The following TJP1 variants were observed in gnomAD, a reference collection of about 807,000 sequenced individuals.
The protein encoded by TJP1 is tight junction protein 1.
In TJP1, 43 loss-of-function variants were observed where a neutral mutation model predicts 194.2. The ratio of observed to expected loss-of-function variants is 0.22; its 90% CI spans 0.17 to 0.29. The LOEUF (loss-of-function observed/expected upper bound fraction) is 0.29. Among genes scored for constraint, TJP1 ranks in the 10% least tolerant of loss-of-function variants. The probability of loss-of-function intolerance (pLI) is 1.00; values close to 1 mark genes in which losing one functional copy is unlikely to be tolerated. For missense variants in TJP1, 1,971 were observed against 2,185.7 expected (o/e 0.90, Z 1.96); for synonymous variants, 801 against 779.0 (o/e 1.03, Z -0.47).
intron 2 of TJP1, among the ~76,000 whole-genome samples, chr15:29,945,776 A>AACACACACAC (rs371167321): frequency 1.3e-5 from 2 of 150,028 alleles, no homozygotes; most frequent in African/African-American, 4.9e-5. Flanking sequence ...AAGGCTATTA[A>AACACACACAC]ACACACACAC....
intron 2 of TJP1, among the ~76,000 whole-genome samples, chr15:29,947,390 T>C (rs2055321437): frequency 6.6e-6 from 1 of 152,176 alleles, no homozygotes; most frequent in Non-Finnish European, 1.5e-5. Flanking sequence ...CTCAGATACG[T>C]ATCTCTGAAA....
chr15:29,761,079 C>G, intron 8 of TJP1, 60 bp downstream of exon 8: 1 of 1,461,468 alleles, frequency 6.8e-7, no homozygotes, highest in Non-Finnish European at 9.1e-7. Flanking sequence ...TAAGCAATTT[C>G]AGATACTGGT....
At position 29,734,273 on chromosome 15, in the gene TJP1, CCAT is replaced by C. The variant is rs1459930896; in HGVS notation, c.1514_1516del (p.Asp505del). Reference sequence around the variant, plus strand: ...TCCTCCATTTTCTGACAGCATCTCACCATCCTTCTTCTTCTGAGCCAATATGGT... The same window carrying C: ...TCCTCCATTTTCTGACAGCATCTCACCCTTCTTCTTCTGAGCCAATATGGT... On this transcript the variant is annotated inframe_deletion and splice_region_variant, in exon 12 of 28. Coordinates refer to ENST00000614355, the MANE Select transcript of TJP1 (RefSeq NM_001330239.4). The C allele has an allele frequency of 6.9e-6, 11 of 1,595,916 alleles. No homozygotes were observed. The highest frequency in any genetic ancestry group is 9.4e-6 in the Non-Finnish European group (11 of 1,170,960).
intron 2 of TJP1, among the ~76,000 whole-genome samples, chr15:29,850,750 G>T (rs182612631): frequency 2.1e-3 from 315 of 152,236 alleles, no homozygotes; most frequent in African/African-American, 7.1e-3. Flanking sequence ...GGGAGGCTGA[G>T]GTGGGCAGAT....
Position 29,716,593 on chromosome 15 carries a change from C to T in TJP1, c.4202+18G>A. On this transcript the variant is annotated intron_variant, in intron 23 of 27. Transcript: ENST00000614355. The stretch of plus-strand genomic sequence containing the variant: ...ATATGCTGCATCCTATTTTTAAAAG[C>T]CAGGTGAAATAGCTTACTTTGAAGA... The T allele has an allele frequency of 6.4e-7, 1 of 1,572,118 alleles. No individual in the cohort carries two copies. Among genetic ancestry groups the T allele is most frequent in the Non-Finnish European group, 8.7e-7 (1 of 1,144,330 alleles).
intron 2 of TJP1, among the ~76,000 whole-genome samples, chr15:29,869,784 T>C (rs1291285775): frequency 7.3e-6 from 1 of 137,578 alleles, no homozygotes; most frequent in Non-Finnish European, 1.6e-5. Context: ...CCTGTCTTTC[T>C]TTCTTTCTTT....
intron 16 of TJP1, 111 bp downstream of exon 16, chr15:29,727,826 T>C: frequency 1.3e-6 from 1 of 770,270 alleles, no homozygotes; most frequent in Non-Finnish European, 2.1e-6. Flanking sequence ...TTTCTTATAG[T>C]ATGTCAGTAA....
chr15:29,720,484 C>A lies in TJP1; in HGVS notation c.2637G>T (p.Glu879Asp), dbSNP rs1373378616. The A allele has an allele frequency of 6.2e-7, 1 of 1,613,962 alleles. No homozygotes were observed. Among genetic ancestry groups the A allele is most frequent in the Non-Finnish European group, 8.5e-7 (1 of 1,180,010 alleles). The change falls in exon 19 of 28, where the codon GAG becomes GAT. Residue 879 changes from glutamate (E) to aspartate (D), a missense_variant. By Grantham distance (45) the Glu-to-Asp change is conservative. This residue lies in a region of TJP1 where 1,108 missense variants were observed against 1,128.5 expected (regional missense o/e 0.98). Coordinates refer to ENST00000614355, the MANE Select transcript of TJP1 (RefSeq NM_001330239.4). ...TTCCAGAGGAGTCCTCTCTTACAGG[C>A]TCAGAGGACCGTGTAATGGCAGACT... The part of the protein sequence containing the change: ...PPESAITRSS[E>D]PVREDSSGMH...
At chr15:29,790,041 C>G (rs1705926681) in intron 2 of TJP1, among the ~76,000 whole-genome samples, 1 of 152,194 alleles carries the variant, frequency 6.6e-6, no homozygotes, top group African/African-American at 2.4e-5. Flanking sequence ...AGCCACTGCT[C>G]TAATCAGCAG....
intron 1 of TJP1, among the ~76,000 whole-genome samples, chr15:29,811,164 G>A (rs74322680): frequency 0.044 from 6,675 of 152,144 alleles, 166 homozygotes; most frequent in South Asian, 0.075. Flanking sequence ...TGTGGCTAGA[G>A]GGGTAGGCAG....
intron 3 of TJP1, among the ~76,000 whole-genome samples, chr15:29,772,436 G>A (rs550805970): frequency 2.0e-4 from 30 of 152,086 alleles, no homozygotes; most frequent in Non-Finnish European, 3.1e-4. Flanking sequence ...TCACATACAC[G>A]AAATGATTCT....
intron 2 of TJP1, 114 bp downstream of exon 2, chr15:29,800,532 T>C (rs948294925): frequency 4.0e-5 from 37 of 923,526 alleles, no homozygotes; most frequent in African/African-American, 8.6e-5. Context: ...CAAAAGAATA[T>C]AGAAAAAGTT....
rs535193892 is a variant in TJP1, at chr15:29,937,350, C to CG, written c.306+18881_306+18882insC. On this transcript the variant is annotated intron_variant, in intron 2 of 28. Coordinates refer to the TJP1 transcript ENST00000356107. ...CTATTGGGTAAAGTCTTGGCTTTCT[C>CG]ATTTTATATCATTTAAACAAAGGAA... Among the ~76,000 whole-genome samples the CG allele has an allele frequency of 5.1e-4, 77 of 152,250 alleles. 1 individual carries two copies. The East Asian group carries it at 0.015, about 29-fold the overall frequency.
intron 2 of TJP1, among the ~76,000 whole-genome samples, chr15:29,908,072 A>AAAAAAAAAAAAAAAAAAAAAAAAAAAAAG (rs2053881336): frequency 7.0e-6 from 1 of 142,030 alleles, no homozygotes; most frequent in African/African-American, 2.6e-5. Flanking sequence ...AAAAAAAAAA[A>AAAAAAAAAAAAAAAAAAAAAAAAAAAAAG]AAAAAAAAAA....
chr15:29,862,740 C>T (rs1305859655), intron 2 of TJP1, among the ~76,000 whole-genome samples: 2 of 150,476 alleles, frequency 1.3e-5, no homozygotes, highest in South Asian at 2.1e-4. Context: ...CTTTGCCTCC[C>T]GGGTTCACGC....
intron 2 of TJP1, among the ~76,000 whole-genome samples, chr15:29,775,789 T>G (rs1444025494): frequency 1.3e-5 from 2 of 152,154 alleles, no homozygotes; most frequent in Middle Eastern, 6.8e-3. Flanking sequence ...TTTGAAAACC[T>G]AAAGGAAACA....
chr15:29,949,331 TCCACCACCTCCACCA>T (rs1396989745), intron 2 of TJP1, among the ~76,000 whole-genome samples: 17 of 76,250 alleles, frequency 2.2e-4, no homozygotes, highest in Admixed American at 9.8e-4. Context: ...CACCACTACC[TCCACCACCTCCACCA>T]CCACCACCTC....
At chr15:29,744,734 A>G (rs1253092219) in intron 8 of TJP1, among the ~76,000 whole-genome samples, 1 of 152,218 alleles carries the variant, frequency 6.6e-6, no homozygotes, top group African/African-American at 2.4e-5. Context: ...ACAGCCATAC[A>G]GAGAACAGTA....
At chr15:29,732,554 A>G in intron 14 of TJP1, 26 bp from the exon 15 acceptor site, 2 of 1,613,868 alleles carry the variant, frequency 1.2e-6, no homozygotes, top group Non-Finnish European at 1.7e-6. Flanking sequence ...CATGAAAAAC[A>G]GCATATTTTA....
Sources: gnomAD v4.1 joint callset for allele counts (sites outside exome capture counted in the v4.1 genomes callset) on GRCh38, gnomAD v4.1.1 for gene constraint, gnomAD v4.1.1 regional missense constraint, MANE v1.5 for transcripts, NCBI Gene and HGNC (gene_info 2026-07-23, HGNC 2026-07-21) for gene names.